Variants in USP11 observed in about 807,000 individuals in gnomAD.
USP11 encodes the protein ubiquitin specific peptidase 11.
In USP11, 5 loss-of-function variants were observed where a neutral mutation model predicts 72.8. That is an observed-to-expected ratio of 0.07 (90% CI 0.04 to 0.14). USP11 has a LOEUF of 0.14. Among genes scored for constraint, USP11 ranks in the 10% least tolerant of loss-of-function variants. The pLI is 1.00. For missense variants in USP11, 480 were observed against 794.7 expected (o/e 0.60, Z 4.76); for synonymous variants, 368 against 326.5 (o/e 1.13, Z -1.37).
chrX:47,247,626 G>A lies in USP11; in HGVS notation c.2552G>A (p.Cys851Tyr), dbSNP rs772171910. ...MRDGHYTTFA[C>Y]NKDSGQWHYF... Reference sequence around the variant, plus strand: ...TCCCTTTCAGACACAACATTTGCCTGCAACAAGGACAGCGGCCAGTGGCAC... The same window carrying A: ...TCCCTTTCAGACACAACATTTGCCTACAACAAGGACAGCGGCCAGTGGCAC... Residue 851 changes from cysteine (C) to tyrosine (Y), a missense_variant, in exon 20 of 21, where the codon TGC becomes TAC. This residue lies in a region of USP11 where 314 missense variants were observed against 556.0 expected (regional missense o/e 0.56). Coordinates refer to ENST00000377107, the MANE Select transcript of USP11 (RefSeq NM_001371072.1). The A allele has an allele frequency of 9.9e-6, 12 of 1,208,979 alleles. No homozygotes were observed. In the East Asian group the frequency reaches 3.6e-4, roughly 36 times the overall value.
At chrX:47,241,481 C>G (rs200500834) in intron 8 of USP11, 31 bp downstream of exon 8, 2 of 1,190,731 alleles carry the variant, frequency 1.7e-6, no homozygotes, top group East Asian at 6.0e-5. Flanking sequence ...CCCCCGACCC[C>G]CTACGTCTCT....
At chrX:47,241,163 T>C in intron 7 of USP11, 114 bp from the exon 8 acceptor site, 1 of 818,413 alleles carries the variant, frequency 1.2e-6, no homozygotes, top group Non-Finnish European at 1.7e-6. Flanking sequence ...CTCTCCTCCC[T>C]TCCCCTTCTC....
rs773375085 is a variant in USP11, at chrX:47,242,061, C to T, written c.1180-21C>T. On this transcript the variant is annotated intron_variant, in intron 9 of 20. Transcript: ENST00000377107. Reference sequence around the variant, plus strand: ...TCTTACCCTGGGCAAGCCCCACCACCCACCATGACACTATCAACAGGAGGT... The same window carrying T: ...TCTTACCCTGGGCAAGCCCCACCACTCACCATGACACTATCAACAGGAGGT... 12 of 1,200,770 alleles carry T rather than the reference C, an allele frequency of 1.0e-5. No individual in the cohort carries two copies. The South Asian group carries it at 1.8e-4, about 18-fold the overall frequency.
Position 47,247,204 on chromosome X carries a change from C to T in USP11, c.2403C>T (p.Leu801=), listed in dbSNP as rs751312451. 89 of 1,208,253 alleles carry T rather than the reference C, an allele frequency of 7.4e-5. 1 individual carries two copies. Among genetic ancestry groups the T allele is most frequent in the Non-Finnish European group, 7.9e-5 (71 of 894,831 alleles). Residue 801 remains leucine (L), a synonymous_variant, in exon 18 of 21, where the codon CTC becomes CTT. Transcript: ENST00000377107. Reference sequence around the variant, plus strand: ...TCTCCCGAGAGAAGCTGGACACCCTCGTGGAGTTTCCTATCCGGTCAGGGG... The same window carrying T: ...TCTCCCGAGAGAAGCTGGACACCCTTGTGGAGTTTCCTATCCGGTCAGGGG... ...TKFSREKLDT[L]VEFPIRDLDF...
At chrX:47,240,911 G>A (rs1407364348) in intron 7 of USP11, 35 bp downstream of exon 7, 4 of 1,162,960 alleles carry the variant, frequency 3.4e-6, no homozygotes, top group Admixed American at 4.7e-5. Flanking sequence ...GCACAGCCAC[G>A]TGGTTGGGCT....
In USP11 at chrX:47,247,684, T is replaced by A. The variant is rs2055442162; in HGVS notation, c.2610T>A (p.Asn870Lys). ...YFDDNSVSPV[N>K]ENQIESKAAY... ...ATGACAACAGCGTCTCCCCTGTCAA[T>A]GAGAATCAGATCGAGGTGTGACTTC... is the stretch of plus-strand genomic sequence containing the variant. The change falls in exon 20 of 21, where the codon AAT (asparagine) becomes AAA (lysine). Residue 870 changes from asparagine (N) to lysine (K), a missense_variant. By Grantham distance (94) the Asn-to-Lys change is moderately conservative (BLOSUM62 0). Coordinates refer to ENST00000377107, the MANE Select transcript of USP11 (RefSeq NM_001371072.1). 8.3e-7 allele frequency: 1 copy of A among 1,208,674 alleles called. No individual in the cohort carries two copies. Among genetic ancestry groups the A allele is most frequent in the South Asian group, 1.8e-5 (1 of 56,714 alleles).
At position 47,239,982 on chromosome X, in the gene USP11, G is replaced by A. The variant is rs747422345; in HGVS notation, c.535+75G>A. 142 of 1,029,160 alleles carry A rather than the reference G, an allele frequency of 1.4e-4. No homozygotes were observed. The African/African-American group carries it at 2.5e-3, about 18-fold the overall frequency. 84.8% of individuals were successfully genotyped at this position (1,029,160 alleles called of 1,213,427 possible). A position where few individuals can be genotyped will look rare whatever the true frequency, so the allele number is the denominator to read the frequency against. On this transcript the variant is annotated intron_variant, in intron 4 of 20. Coordinates refer to ENST00000377107, the MANE Select transcript of USP11 (RefSeq NM_001371072.1). Reference sequence around the variant, plus strand: ...AACTCAGTGACTTGAGGTTGCATAGGGTTAAGCTGAAGCTGACTGAGAAGG... The same window carrying A: ...AACTCAGTGACTTGAGGTTGCATAGAGTTAAGCTGAAGCTGACTGAGAAGG...
In USP11 at chrX:47,242,614, T is replaced by A; in HGVS notation, c.1489-12T>A. ...GCAGACTAACAGTCCCCTCTCCATATCCCATTCCTAGATGATGGTGGCTGA... is the reference window on the plus strand; with the variant it reads ...GCAGACTAACAGTCCCCTCTCCATAACCCATTCCTAGATGATGGTGGCTGA... On this transcript the variant is annotated splice_polypyrimidine_tract_variant and intron_variant, in intron 11 of 20. Coordinates refer to ENST00000377107, the MANE Select transcript of USP11 (RefSeq NM_001371072.1). 8.3e-7 allele frequency: 1 copy of A among 1,207,732 alleles called. No homozygotes were observed. The highest frequency in any genetic ancestry group is 1.1e-6 in the Non-Finnish European group (1 of 891,835).
chrX:47,247,452 G>C lies in USP11; in HGVS notation c.2536+33G>C, dbSNP rs1193648793. 5.0e-6 allele frequency: 6 copies of C among 1,195,282 alleles called. No individual in the cohort carries two copies. In the Admixed American group the frequency reaches 1.1e-4, roughly 22 times the overall value. ...CCAGGCTGTGGGTGGGGCCTGCCCT[G>C]GGGGTTCTGGGCAGGGGGGCGATCA... On this transcript the variant is annotated intron_variant, in intron 19 of 20. Transcript: ENST00000377107.
intron 1 of USP11, among the ~76,000 whole-genome samples, chrX:47,237,982 G>T (rs1055520819): frequency 9.0e-6 from 1 of 110,984 alleles, no homozygotes; most frequent in Non-Finnish European, 1.9e-5. Context: ...TTTCAATATA[G>T]TTCTAAATGG....
At chrX:47,243,134 G>A (rs1044991318) in intron 12 of USP11, among the ~76,000 whole-genome samples, 1 of 111,210 alleles carries the variant, frequency 9.0e-6, no homozygotes, top group African/African-American at 3.3e-5. Context: ...GTGGTGGCAG[G>A]TGCCTGTAGT....
In USP11 at chrX:47,239,468, C is replaced by A; in HGVS notation, c.404C>A (p.Pro135His). 8.3e-7 allele frequency: 1 copy of A among 1,211,272 alleles called. No homozygotes were observed. Among genetic ancestry groups the A allele is most frequent in the Non-Finnish European group, 1.1e-6 (1 of 895,472 alleles). ...SWYGLEHGQP[P>H]IERKVIELPN... ...TATGGTCTAGAGCATGGCCAGCCAC[C>A]CATTGAACGCAAGGTATAATGGATG... is the stretch of plus-strand genomic sequence containing the variant. Residue 135 changes from proline (P) to histidine (H), a missense_variant, in exon 3 of 21, where the codon CCC becomes CAC. By Grantham distance (77) the Pro-to-His change is moderately conservative. This residue lies in a region of USP11 where 14 missense variants were observed against 46.4 expected (regional missense o/e 0.30). Transcript: ENST00000377107.
At chrX:47,243,314 A>G in intron 12 of USP11, 82 bp from the exon 13 acceptor site, 1 of 978,642 alleles carries the variant, frequency 1.0e-6, no homozygotes, top group South Asian at 2.1e-5. Flanking sequence ...GGCTGTGAGG[A>G]TGAGTGGGTG....
chrX:47,247,198 C>T lies in USP11; in HGVS notation c.2397C>T (p.Asp799=), dbSNP rs1295346794. ...CCAAGTTCTCCCGAGAGAAGCTGGA[C>T]ACCCTCGTGGAGTTTCCTATCCGGT... ...SYTKFSREKL[D]TLVEFPIRDL... is the part of the protein sequence containing the mutation. Residue 799 remains aspartate, a synonymous_variant, in exon 18 of 21, where the codon GAC becomes GAT. Transcript: ENST00000377107. The T allele has an allele frequency of 1.4e-5, 17 of 1,208,459 alleles. No individual in the cohort carries two copies. The highest frequency in any genetic ancestry group is 3.5e-5 in the African/African-American group (2 of 56,587).
At chrX:47,243,664 A>C (rs934091945) in intron 13 of USP11, 62 bp downstream of exon 13, 21 of 1,076,216 alleles carry the variant, frequency 2.0e-5, no homozygotes, top group Non-Finnish European at 2.7e-5. Context: ...TTGGGTGTTT[A>C]GCTGCTTATT....
chrX:47,233,333 G>C, intron 1 of USP11, 114 bp downstream of exon 1: 1 of 1,072,802 alleles, frequency 9.3e-7, no homozygotes, highest in African/African-American at 1.9e-5. Context: ...GCGGGGGCGG[G>C]GGAGTGGCCG....
chrX:47,243,549 C>G lies in USP11; in HGVS notation c.1737C>G (p.Pro579=), dbSNP rs766535335. 7 of 1,209,991 alleles carry G rather than the reference C, an allele frequency of 5.8e-6. No homozygotes were observed. In the African/African-American group the frequency reaches 1.2e-4, roughly 21 times the overall value. ...LFGHPLLVSV[P]RDRFTWEGLY... ...GACACCCCCTCCTGGTATCAGTGCC[C>G]CGGGACCGCTTCACCTGGGAGGGCC... is the stretch of plus-strand genomic sequence containing the variant. The change falls in exon 13 of 21, where the codon CCC becomes CCG. Residue 579 remains proline, a synonymous_variant. Coordinates refer to ENST00000377107, the MANE Select transcript of USP11 (RefSeq NM_001371072.1).
At position 47,246,650 on chromosome X, in the gene USP11, TAGTA is replaced by T. The variant is rs762604030; in HGVS notation, c.2271-419_2271-416del. ...CAAACTAGAATACTAGATGGGCTAA[TAGTA>T]AGAGCAGTGTTTCTGTGAGCCAGAC... is the stretch of plus-strand genomic sequence containing the variant. On this transcript the variant is annotated intron_variant, in intron 17 of 20. Transcript: ENST00000377107. Among the ~76,000 whole-genome samples, 20 of 110,685 alleles carry T rather than the reference TAGTA, an allele frequency of 1.8e-4. No individual in the cohort carries two copies. In the South Asian group the frequency reaches 2.3e-3, roughly 13 times the overall value.
At chrX:47,237,827 T>TGTG in intron 1 of USP11, among the ~76,000 whole-genome samples, 1 of 102,193 alleles carries the variant, frequency 9.8e-6, no homozygotes, top group African/African-American at 3.7e-5. Context: ...TGTGTGTGTG[T>TGTG]TTAGGCAGGA....
Sources: gnomAD v4.1 joint callset for allele counts (sites outside exome capture counted in the v4.1 genomes callset) on GRCh38, gnomAD v4.1.1 for gene constraint, gnomAD v4.1.1 regional missense constraint, MANE v1.5 for transcripts, NCBI Gene and HGNC (gene_info 2026-07-23, HGNC 2026-07-21) for gene names.